Variants in ASCC3 observed in about 807,000 individuals in gnomAD.
The protein encoded by ASCC3 is activating signal cointegrator 1 complex subunit 3.
A neutral mutation model predicts 256.3 loss-of-function variants in ASCC3; 158 were observed. The ratio of observed to expected loss-of-function variants is 0.62; its 90% CI spans 0.54 to 0.70. The LOEUF is 0.70. Among genes scored for constraint, ASCC3 ranks in the 30% least tolerant of loss-of-function variants. ASCC3 has a pLI of 0.00. For synonymous variants in ASCC3, 948 were observed against 883.4 expected (o/e 1.07, Z -1.30); for missense variants, 2,259 against 2,626.0 (o/e 0.86, Z 3.05).
rs1332124962 is a variant in ASCC3 at position 100,848,630 on chromosome 6, CAG to C, written c.317_318del (p.Ser106CysfsTer26). 1 of 1,613,972 alleles carries C rather than the reference CAG, an allele frequency of 6.2e-7. No individual in the cohort carries two copies. Among genetic ancestry groups the C allele is most frequent in the East Asian group, 2.2e-5 (1 of 44,884 alleles). ...FLFMTFHLKDSVGHKETKAIK... is the reference protein window; with the variant it reads ...FLFMTFHLKDXVGHKETKAIK... ...ATAGCCTTTGTTTCCTTGTGACCAA[CAG>C]AGTCCTTCAAGTGAAATGTCATGAA... On this transcript the variant is annotated frameshift_variant, in exon 4 of 42. Coordinates refer to ENST00000369162, the MANE Select transcript of ASCC3 (RefSeq NM_006828.4). LOFTEE classifies it high-confidence loss of function.
intron 2 of ASCC3, among the ~76,000 whole-genome samples, chr6:100,865,953 CATTTATTTATTT>C (rs59777780): frequency 2.7e-5 from 4 of 148,732 alleles, no homozygotes; most frequent in Non-Finnish European, 4.5e-5. Context: ...TAAATAATTT[CATTTATTTATTT>C]ATTTATTTAT....
intron 4 of ASCC3, among the ~76,000 whole-genome samples, chr6:100,837,969 G>A (rs1771959157): frequency 6.6e-6 from 1 of 152,020 alleles, no homozygotes; most frequent in Admixed American, 6.6e-5. Flanking sequence ...ATGTATACAT[G>A]TATTGAAACA....
intron 12 of ASCC3, among the ~76,000 whole-genome samples, chr6:100,716,825 T>C (rs1779109007): frequency 6.6e-6 from 1 of 151,888 alleles, no homozygotes; most frequent in Non-Finnish European, 1.5e-5. Flanking sequence ...GAAAATAAGG[T>C]TTAAGGTGGC....
At chr6:100,856,930 G>A (rs1204549266) in intron 3 of ASCC3, 2 of 152,000 alleles carry the variant, frequency 1.3e-5, no homozygotes, top group Non-Finnish European at 2.9e-5. Context: ...GTATGTACAA[G>A]CATTTTTATT....
Position 100,752,081 on chromosome 6 carries a change from G to C in ASCC3, c.1737+14484C>G, listed in dbSNP as rs186327628. Reference sequence around the variant, plus strand: ...CTGCCTCTTACCCTTAAGAACAGCTGTGCTTTTCCAGATCAAATGGTCACT... The same window carrying C: ...CTGCCTCTTACCCTTAAGAACAGCTCTGCTTTTCCAGATCAAATGGTCACT... On this transcript the variant is annotated intron_variant, in intron 10 of 41. Transcript: ENST00000369162. Among the ~76,000 whole-genome samples, 5 of 152,188 alleles carry C rather than the reference G, an allele frequency of 3.3e-5. No homozygotes were observed. In the East Asian group the frequency reaches 7.7e-4, roughly 24 times the overall value.
chr6:100,791,607 C>T (rs1216107224), intron 8 of ASCC3, among the ~76,000 whole-genome samples: 1 of 152,018 alleles, frequency 6.6e-6, no homozygotes, highest in African/African-American at 2.4e-5. Context: ...AAGAAGTCTT[C>T]ATTAACAGCC....
intron 20 of ASCC3, among the ~76,000 whole-genome samples, chr6:100,650,315 A>G (rs890998438): frequency 1.3e-5 from 2 of 151,726 alleles, no homozygotes; most frequent in Non-Finnish European, 3.0e-5. Context: ...AAACATCAAC[A>G]TCACCAAAAA....
intron 17 of ASCC3, among the ~76,000 whole-genome samples, chr6:100,654,734 T>G (rs1362968967): frequency 6.6e-6 from 1 of 152,012 alleles, no homozygotes; most frequent in East Asian, 1.9e-4. Context: ...AATCTAAGTA[T>G]AAAAACCTAA....
At chr6:100,581,020 C>G (rs375250591) in intron 36 of ASCC3, among the ~76,000 whole-genome samples, 2 of 152,110 alleles carry the variant, frequency 1.3e-5, no homozygotes, top group African/African-American at 2.4e-5. Flanking sequence ...TTTGCTATTG[C>G]GAATAGTGCC....
rs1772138265 is a variant in ASCC3 at position 100,593,941 on chromosome 6, GTGTA to G, written c.5304-3886_5304-3883del. On this transcript the variant is annotated intron_variant, in intron 34 of 41. Transcript: ENST00000369162. ...TTCATTTGCACAAGTTAATGTGTGT[GTGTA>G]TGTTATATGTATATATATGTGTTTA... Among the ~76,000 whole-genome samples the G allele has an allele frequency of 5.9e-5, 9 of 152,068 alleles. No homozygotes were observed. The South Asian group carries it at 1.7e-3, about 28-fold the overall frequency.
At chr6:100,581,150 T>G (rs1771225535) in intron 36 of ASCC3, among the ~76,000 whole-genome samples, 2 of 152,192 alleles carry the variant, frequency 1.3e-5, no homozygotes, top group Non-Finnish European at 2.9e-5. Flanking sequence ...CCCTGAGGAA[T>G]CGCCACACTG....
At position 100,646,635 on chromosome 6, in the gene ASCC3, C is replaced by T. The variant is rs377552021; in HGVS notation, c.3613G>A (p.Asp1205Asn). The T allele has an allele frequency of 8.6e-5, 138 of 1,613,918 alleles. No homozygotes were observed. The highest frequency in any genetic ancestry group is 1.1e-4 in the Non-Finnish European group (134 of 1,179,984). Residue 1205 changes from aspartate (D) to asparagine (N), a missense_variant, in exon 22 of 42, where the codon GAT becomes AAT. This residue lies in a region of ASCC3 where 1,839 missense variants were observed against 2,206.7 expected (regional missense o/e 0.83). Transcript: ENST00000369162. ...VLRVTLSIYA[D>N]FTWNDQVHGT... The stretch of plus-strand genomic sequence containing the variant: ...TCTACCTGATCATTCCAAGTGAAAT[C>T]AGCATAGATGCTGAGTGTCACTCGG...
chr6:100,753,433 G>A (rs1425490637), intron 10 of ASCC3, among the ~76,000 whole-genome samples: 1 of 150,848 alleles, frequency 6.6e-6, no homozygotes, highest in Admixed American at 6.6e-5. Flanking sequence ...ACATGATAAG[G>A]AGGAAGGTTG....
intron 10 of ASCC3, among the ~76,000 whole-genome samples, chr6:100,743,011 T>C (rs1262473876): frequency 6.6e-6 from 1 of 152,228 alleles, no homozygotes; most frequent in Non-Finnish European, 1.5e-5. Flanking sequence ...GGTTTCTGTG[T>C]GTGCCTGAGT....
intron 30 of ASCC3, among the ~76,000 whole-genome samples, chr6:100,619,876 A>G (rs1773858443): frequency 6.6e-6 from 1 of 152,182 alleles, no homozygotes; most frequent in Non-Finnish European, 1.5e-5. Context: ...GGGTGACTAG[A>G]TACAAGCAAG....
At chr6:100,556,455 C>T (rs1377435551) in intron 36 of ASCC3, among the ~76,000 whole-genome samples, 1 of 151,912 alleles carries the variant, frequency 6.6e-6, no homozygotes, top group African/African-American at 2.4e-5. Context: ...GATACATTGT[C>T]CAGGTGGGAA....
At chr6:100,701,592 G>A (rs1054373865) in intron 13 of ASCC3, among the ~76,000 whole-genome samples, 1 of 152,156 alleles carries the variant, frequency 6.6e-6, no homozygotes, top group Non-Finnish European at 1.5e-5. Flanking sequence ...ACGCATGTCA[G>A]TACAATGGTG....
At chr6:100,580,620 T>A (rs1771173065) in intron 36 of ASCC3, among the ~76,000 whole-genome samples, 1 of 151,966 alleles carries the variant, frequency 6.6e-6, no homozygotes. Flanking sequence ...TTAGGGTACA[T>A]GTGCACAATG....
chr6:100,509,683 G>A (rs1773658348), intron 41 of ASCC3, 150 bp from the exon 42 acceptor site: 6 of 846,286 alleles, frequency 7.1e-6, no homozygotes, highest in South Asian at 1.6e-5. Context: ...GGCGGATCAC[G>A]AGGTCAGGAG....
Sources: allele counts gnomAD v4.1 joint callset (sites outside exome capture counted in the v4.1 genomes callset), GRCh38; gene constraint gnomAD v4.1.1; regional missense constraint gnomAD v4.1.1; transcripts MANE v1.5; gene names NCBI Gene and HGNC (gene_info 2026-07-23, HGNC 2026-07-21).